CSMD1: variants seen among roughly 807,000 people sequenced by gnomAD.
CSMD1 encodes the protein CUB and sushi domain-containing protein 1.
A neutral mutation model predicts 417.5 loss-of-function variants in CSMD1; 213 were observed. The observed-to-expected ratio is 0.51, with a 90% CI of 0.46 to 0.57. The LOEUF is 0.57. Among genes scored for constraint, CSMD1 ranks in the 20% least tolerant of loss-of-function variants. The probability of loss-of-function intolerance (pLI) is 0.00; values close to 1 mark genes in which losing one functional copy is unlikely to be tolerated. For synonymous variants in CSMD1, 2,862 were observed against 1,736.8 expected, an observed-to-expected ratio of 1.65 and a Z score of -16.11; for missense variants, 6,923 against 4,529.7, an observed-to-expected ratio of 1.53 and a Z score of -15.17.
At chr8:4,837,101 A>AAGCT (rs1800540199) in intron 1 of CSMD1, among the ~76,000 whole-genome samples, 1 of 152,170 alleles carries the variant, frequency 6.6e-6, no homozygotes, top group Non-Finnish European at 1.5e-5. Flanking sequence ...TGAGGGCTTC[A>AAGCT]CTAAGTAATC....
At chr8:4,517,059 G>A (rs1803164306) in intron 2 of CSMD1, among the ~76,000 whole-genome samples, 1 of 152,074 alleles carries the variant, frequency 6.6e-6, no homozygotes, top group African/African-American at 2.4e-5. Context: ...GTTTTTCTGT[G>A]TTTTACTGTG....
At chr8:4,284,201 C>G (rs1043698240) in intron 3 of CSMD1, among the ~76,000 whole-genome samples, 1 of 152,098 alleles carries the variant, frequency 6.6e-6, no homozygotes, top group Non-Finnish European at 1.5e-5. Flanking sequence ...AACCCTATCT[C>G]TACTAAAAAT....
intron 25 of CSMD1, among the ~76,000 whole-genome samples, chr8:3,294,228 C>T (rs562835648): frequency 1.1e-3 from 121 of 111,074 alleles, no homozygotes; most frequent in African/African-American, 2.8e-3. Flanking sequence ...TGTCTGTTGG[C>T]CCCTACTGGG....
At chr8:4,062,879 C>G (rs903446824) in intron 3 of CSMD1, among the ~76,000 whole-genome samples, 1 of 150,390 alleles carries the variant, frequency 6.6e-6, no homozygotes, top group Non-Finnish European at 1.5e-5. Flanking sequence ...GTACGTAATA[C>G]TGAAGAGTAA....
At chr8:4,307,032 TC>T (rs922086566) in intron 3 of CSMD1, among the ~76,000 whole-genome samples, 16 of 152,218 alleles carry the variant, frequency 1.1e-4, no homozygotes, top group Middle Eastern at 3.4e-3. Context: ...CTGCACCATG[TC>T]CACTGTGGGG....
intron 3 of CSMD1, among the ~76,000 whole-genome samples, chr8:4,093,963 C>CAAATAGAT (rs1226433531): frequency 8.7e-6 from 1 of 114,630 alleles, no homozygotes; most frequent in East Asian, 2.6e-4. Flanking sequence ...GACTACATCT[C>CAAATAGAT]AAATAGATAG....
At chr8:3,959,149 A>G (rs1479710978) in intron 5 of CSMD1, among the ~76,000 whole-genome samples, 3 of 152,334 alleles carry the variant, frequency 2.0e-5, no homozygotes, top group African/African-American at 7.2e-5. Context: ...ATTTAAAAGC[A>G]TAATTTGAGT....
intron 10 of CSMD1, among the ~76,000 whole-genome samples, chr8:3,495,398 C>T (rs1394056604): frequency 6.6e-6 from 1 of 151,382 alleles, no homozygotes; most frequent in East Asian, 1.9e-4. Flanking sequence ...GGCTGATTTG[C>T]AATGTGTACA....
At chr8:3,072,424 GT>G (rs1325861381) in intron 49 of CSMD1, among the ~76,000 whole-genome samples, 1 of 152,086 alleles carries the variant, frequency 6.6e-6, no homozygotes, top group Non-Finnish European at 1.5e-5. Context: ...TTTTAAACCA[GT>G]CATAGAATAA....
chr8:4,601,160 G>A (rs977196337), intron 2 of CSMD1, among the ~76,000 whole-genome samples: 3 of 152,076 alleles, frequency 2.0e-5, no homozygotes, highest in Non-Finnish European at 4.4e-5. Context: ...TCTCCATGTT[G>A]GTCAGGCTGG....
At chr8:3,557,595 C>A (rs1799212749) in intron 10 of CSMD1, among the ~76,000 whole-genome samples, 1 of 152,228 alleles carries the variant, frequency 6.6e-6, no homozygotes, top group Admixed American at 6.5e-5. Flanking sequence ...CCAACAGCCT[C>A]TCACTGCTTG....
intron 5 of CSMD1, among the ~76,000 whole-genome samples, chr8:3,792,301 G>C (rs958914069): frequency 6.6e-6 from 1 of 151,634 alleles, no homozygotes; most frequent in African/African-American, 2.4e-5. Context: ...TCAAAAAGAA[G>C]AAGAAAAAAA....
intron 1 of CSMD1, among the ~76,000 whole-genome samples, chr8:4,913,420 G>C (rs775233319): frequency 4.6e-5 from 7 of 152,144 alleles, no homozygotes; most frequent in South Asian, 4.2e-4. Flanking sequence ...AAAGTGCTTG[G>C]ACACTCAGTG....
intron 3 of CSMD1, among the ~76,000 whole-genome samples, chr8:4,343,744 T>C (rs1252640943): frequency 6.6e-6 from 1 of 152,052 alleles, no homozygotes; most frequent in African/African-American, 2.4e-5. Flanking sequence ...AATATCATCT[T>C]GATGTGTGCA....
At chr8:4,454,449 G>A (rs1003136998) in intron 2 of CSMD1, among the ~76,000 whole-genome samples, 8 of 152,124 alleles carry the variant, frequency 5.3e-5, no homozygotes, top group Non-Finnish European at 1.0e-4. Context: ...TGGCTACACC[G>A]CCGTTTGAGT....
intron 6 of CSMD1, among the ~76,000 whole-genome samples, chr8:3,721,085 A>C (rs559412324): frequency 6.6e-6 from 1 of 152,236 alleles, no homozygotes; most frequent in Non-Finnish European, 1.5e-5. Context: ...GGCCTCCCAA[A>C]GTGCTGGGAT....
chr8:4,151,378 A>G (rs540808318), intron 3 of CSMD1, among the ~76,000 whole-genome samples: 9 of 152,240 alleles, frequency 5.9e-5, no homozygotes, highest in Non-Finnish European at 1.2e-4. Context: ...TTCAGTTTCT[A>G]GATCCTGCTG....
At chr8:3,269,800 T>G (rs912969617) in intron 26 of CSMD1, among the ~76,000 whole-genome samples, 9 of 152,210 alleles carry the variant, frequency 5.9e-5, no homozygotes, top group African/African-American at 2.2e-4. Flanking sequence ...ATTGCAGTAG[T>G]CAGTTCATGT....
intron 1 of CSMD1, among the ~76,000 whole-genome samples, chr8:4,704,260 A>G (rs1807775109): frequency 6.6e-6 from 1 of 152,206 alleles, no homozygotes; most frequent in South Asian, 2.1e-4. Flanking sequence ...GCTATCCCCA[A>G]GTATACTTGG....
Sources: allele counts gnomAD v4.1 joint callset (sites outside exome capture counted in the v4.1 genomes callset), GRCh38; gene constraint gnomAD v4.1.1; transcripts MANE v1.5; gene names NCBI Gene and HGNC (gene_info 2026-07-23, HGNC 2026-07-21).